GALNTL6: variants seen among roughly 807,000 people sequenced by gnomAD.
GALNTL6 encodes the protein polypeptide N-acetylgalactosaminyltransferase-like 6.
In GALNTL6, 46 loss-of-function variants were observed where a neutral mutation model predicts 73.7. The ratio of observed to expected loss-of-function variants is 0.62; its 90% CI spans 0.49 to 0.80. The LOEUF is 0.80. GALNTL6 is among the 30% of genes least tolerant of loss of function. The pLI is 0.00. For synonymous variants in GALNTL6, 259 were observed against 263.7 expected, an observed-to-expected ratio of 0.98 and a Z score of 0.17; for missense variants, 604 against 755.0, an observed-to-expected ratio of 0.80 and a Z score of 2.34.
At chr4:172,676,709 G>A (rs947241452) in intron 5 of GALNTL6, among the ~76,000 whole-genome samples, 1 of 152,160 alleles carries the variant, frequency 6.6e-6, no homozygotes, top group African/African-American at 2.4e-5. Flanking sequence ...GGTTGCGGTG[G>A]CTGCCTACTT....
At chr4:171,952,281 TA>T (rs1738907796) in intron 2 of GALNTL6, among the ~76,000 whole-genome samples, 1 of 151,990 alleles carries the variant, frequency 6.6e-6, no homozygotes, top group African/African-American at 2.4e-5. Flanking sequence ...AACGGCCCCA[TA>T]AGCATAAAGT....
At chr4:172,832,737 A>G (rs540772437) in intron 7 of GALNTL6, among the ~76,000 whole-genome samples, 1 of 152,232 alleles carries the variant, frequency 6.6e-6, no homozygotes, top group Non-Finnish European at 1.5e-5. Flanking sequence ...TCACACCTGG[A>G]ACAACTGGGC....
At chr4:172,024,323 A>G (rs1268984589) in intron 2 of GALNTL6, among the ~76,000 whole-genome samples, 2 of 151,724 alleles carry the variant, frequency 1.3e-5, no homozygotes, top group Non-Finnish European at 3.0e-5. Context: ...TTTGTTTAAT[A>G]TATATATACA....
intron 3 of GALNTL6, among the ~76,000 whole-genome samples, chr4:172,240,247 G>A (rs1737374722): frequency 6.7e-6 from 1 of 150,144 alleles, no homozygotes; most frequent in South Asian, 2.1e-4. Flanking sequence ...TTTTTGAGAT[G>A]GGATCTCACT....
intron 3 of GALNTL6, among the ~76,000 whole-genome samples, chr4:172,265,273 T>C (rs981950460): frequency 1.1e-4 from 16 of 151,960 alleles, no homozygotes; most frequent in Non-Finnish European, 2.4e-4. Context: ...TACAAAATAG[T>C]CATGGAATTT....
At chr4:172,792,975 C>T (rs1740081709) in intron 5 of GALNTL6, among the ~76,000 whole-genome samples, 1 of 152,034 alleles carries the variant, frequency 6.6e-6, no homozygotes. Flanking sequence ...TGTCATTTGT[C>T]TCAATCCCCT....
intron 2 of GALNTL6, among the ~76,000 whole-genome samples, chr4:171,983,972 G>A (rs1374333636): frequency 1.3e-5 from 2 of 152,128 alleles, no homozygotes; most frequent in African/African-American, 4.8e-5. Flanking sequence ...ATACTGGGAG[G>A]GTTGGACATG....
intron 5 of GALNTL6, among the ~76,000 whole-genome samples, chr4:172,701,816 T>C (rs1240672341): frequency 1.3e-5 from 2 of 152,054 alleles, no homozygotes; most frequent in Non-Finnish European, 1.5e-5. Context: ...GATTCATAAG[T>C]GTTCATTTCT....
intron 5 of GALNTL6, among the ~76,000 whole-genome samples, chr4:172,423,748 A>G (rs1278650876): frequency 1.3e-5 from 2 of 152,106 alleles, no homozygotes; most frequent in Non-Finnish European, 2.9e-5. Context: ...TTATTCACTC[A>G]TGTATACTAA....
At chr4:172,138,631 G>A (rs1209753064) in intron 2 of GALNTL6, among the ~76,000 whole-genome samples, 1 of 137,098 alleles carries the variant, frequency 7.3e-6, no homozygotes, top group East Asian at 2.4e-4. Flanking sequence ...CCGGGTTCAC[G>A]CCATTCTCCT....
rs79884445 is a variant in GALNTL6, at chr4:172,779,406, C to T, written c.554-29955C>T. Among the ~76,000 whole-genome samples, 1,139 of 152,198 alleles carry T rather than the reference C, an allele frequency of 7.5e-3. 12 individuals are homozygous for T. Among genetic ancestry groups the T allele is most frequent in the African/African-American group, 0.026 (1,083 of 41,514 alleles). On this transcript the variant is annotated intron_variant, in intron 5 of 12. Transcript: ENST00000506823. ...AGCACTGCCCAGCCCAGTCAGCGTG[C>T]TTATCGGCAGGGAGGGGTTCTGCCG... is the stretch of plus-strand genomic sequence containing the variant.
intron 3 of GALNTL6, among the ~76,000 whole-genome samples, chr4:172,265,035 G>A (rs1176306536): frequency 6.6e-6 from 1 of 151,668 alleles, no homozygotes; most frequent in Non-Finnish European, 1.5e-5. Flanking sequence ...CTTACTTATT[G>A]TTTCTTGAGA....
chr4:172,362,807 A>T (rs1057010500), intron 5 of GALNTL6, among the ~76,000 whole-genome samples: 6 of 152,166 alleles, frequency 3.9e-5, no homozygotes, highest in Non-Finnish European at 5.9e-5. Flanking sequence ...TGCTCTTATG[A>T]TTCCTCTTTC....
intron 2 of GALNTL6, among the ~76,000 whole-genome samples, chr4:171,976,631 T>G (rs17057787): frequency 0.038 from 5,848 of 152,226 alleles, 321 homozygotes; most frequent in African/African-American, 0.12. Flanking sequence ...TGATAGCGGG[T>G]TATGGTGACT....
chr4:172,817,872 A>C (rs1029045371), intron 7 of GALNTL6, among the ~76,000 whole-genome samples: 1 of 152,236 alleles, frequency 6.6e-6, no homozygotes, highest in Non-Finnish European at 1.5e-5. Flanking sequence ...CCTTGTATGA[A>C]GAAAATTCTG....
chr4:172,665,905 A>G (rs1248592299), intron 5 of GALNTL6, among the ~76,000 whole-genome samples: 1 of 152,146 alleles, frequency 6.6e-6, no homozygotes, highest in East Asian at 1.9e-4. Context: ...GTACCCTTTC[A>G]CCTCCTAGAC....
intron 2 of GALNTL6, among the ~76,000 whole-genome samples, chr4:172,004,967 A>G (rs1390379098): frequency 6.6e-6 from 1 of 151,974 alleles, no homozygotes. Context: ...TTTTAACCAG[A>G]TATAATTCTT....
chr4:172,748,592 T>C (rs1441077332), intron 5 of GALNTL6, among the ~76,000 whole-genome samples: 1 of 152,132 alleles, frequency 6.6e-6, no homozygotes, highest in Non-Finnish European at 1.5e-5. Context: ...GAATGGTGGT[T>C]ACCAGAGGCT....
At chr4:172,107,705 T>C (rs1732717854) in intron 2 of GALNTL6, among the ~76,000 whole-genome samples, 1 of 147,456 alleles carries the variant, frequency 6.8e-6, no homozygotes, top group African/African-American at 2.5e-5. Context: ...AGGGATAGCA[T>C]TAGGAGATAT....
Sources: allele counts gnomAD v4.1 joint callset (sites outside exome capture counted in the v4.1 genomes callset), GRCh38; gene constraint gnomAD v4.1.1; transcripts MANE v1.5; gene names NCBI Gene and HGNC (gene_info 2026-07-23, HGNC 2026-07-21).